The following WDR25 variants were observed in gnomAD, a reference collection of about 807,000 sequenced individuals.
WDR25 encodes the protein WD repeat-containing protein 25.
In WDR25, 35 loss-of-function variants were observed where a neutral mutation model predicts 47.7. The ratio of observed to expected loss-of-function variants is 0.73; its 90% CI spans 0.56 to 0.97. The LOEUF (loss-of-function observed/expected upper bound fraction) is 0.97. Among genes scored for constraint, WDR25 ranks in the 50% least tolerant of loss-of-function variants. The pLI is 0.00. For synonymous variants in WDR25, 248 were observed against 278.9 expected (o/e 0.89, Z 1.10); for missense variants, 634 against 704.7 (o/e 0.90, Z 1.14).
intron 2 of WDR25, among the ~76,000 whole-genome samples, chr14:100,459,884 GT>G (rs1566920133): frequency 1.0e-4 from 4 of 39,678 alleles, no homozygotes; most frequent in African/African-American, 4.6e-4. Flanking sequence ...ATCCGTATAT[GT>G]GTGTGTGTGT....
chr14:100,386,795 A>C (rs1228079178), intron 2 of WDR25, among the ~76,000 whole-genome samples: 1 of 152,156 alleles, frequency 6.6e-6, no homozygotes, highest in Admixed American at 6.5e-5. Context: ...CGGGAGGCTG[A>C]GGCAGGAGAA....
intron 2 of WDR25, among the ~76,000 whole-genome samples, chr14:100,418,984 C>A (rs1897952809): frequency 6.6e-6 from 1 of 152,070 alleles, no homozygotes; most frequent in Non-Finnish European, 1.5e-5. Flanking sequence ...CTTTGGGAGT[C>A]CAAGGTGGGC....
At chr14:100,433,035 T>G (rs1595084278) in intron 2 of WDR25, among the ~76,000 whole-genome samples, 1 of 152,370 alleles carries the variant, frequency 6.6e-6, no homozygotes, top group East Asian at 1.9e-4. Flanking sequence ...AGTCTAATCT[T>G]ATGGGACCAC....
At chr14:100,421,320 C>G (rs371028540) in intron 2 of WDR25, among the ~76,000 whole-genome samples, 2 of 152,206 alleles carry the variant, frequency 1.3e-5, no homozygotes, top group South Asian at 2.1e-4. Context: ...CTTATTGGTC[C>G]CCCAGTCAGT....
Position 100,411,537 on chromosome 14 carries a change from CT to C in WDR25, c.822+29805del, listed in dbSNP as rs766546637. On this transcript the variant is annotated intron_variant, in intron 2 of 6. Coordinates refer to ENST00000402312, the MANE Select transcript of WDR25 (RefSeq NM_001161476.3). Reference sequence around the variant, plus strand: ...CACATTGATTTTCACTTGCTTTTTGCTTTTTTTTTTTTTTCTCGAGATAGAG... The same window carrying C: ...CACATTGATTTTCACTTGCTTTTTGCTTTTTTTTTTTTTCTCGAGATAGAG... 5.3e-3 allele frequency among the ~76,000 whole-genome samples: 759 copies of C among 142,942 alleles called. 4 individuals carry two copies. Among genetic ancestry groups the C allele is most frequent in the South Asian group, 0.026 (116 of 4,482 alleles). The allele number at this position is 142,942 out of a possible 152,430, so 93.8% of individuals were successfully genotyped here.
chr14:100,388,585 C>T (rs1008044205), intron 2 of WDR25, among the ~76,000 whole-genome samples: 1 of 152,222 alleles, frequency 6.6e-6, no homozygotes, highest in Non-Finnish European at 1.5e-5. Flanking sequence ...CTGGAATCTT[C>T]TCTTCGTGGG....
Position 100,476,045 on chromosome 14 carries a change from T to C in WDR25, c.970+7877T>C, listed in dbSNP as rs142565230. Among the ~76,000 whole-genome samples the C allele has an allele frequency of 8.5e-5, 13 of 152,380 alleles. No homozygotes were observed. The East Asian group carries it at 2.5e-3, about 29-fold the overall frequency. ...TCTTCTGTTACTACTATTATTACAA[T>C]GCTACAGCTACTGTTTATTGGGCCC... On this transcript the variant is annotated intron_variant, in intron 3 of 6. Transcript: ENST00000402312.
At chr14:100,388,883 C>A (rs1344146816) in intron 2 of WDR25, among the ~76,000 whole-genome samples, 2 of 152,198 alleles carry the variant, frequency 1.3e-5, no homozygotes, top group Non-Finnish European at 2.9e-5. Flanking sequence ...GAAGGTGCAG[C>A]CTCTGTCCTC....
intron 2 of WDR25, among the ~76,000 whole-genome samples, chr14:100,452,467 A>G (rs547455918): frequency 6.6e-6 from 1 of 152,342 alleles, no homozygotes; most frequent in Non-Finnish European, 1.5e-5. Context: ...TGATGAGAGC[A>G]GTGTTTAGAT....
Position 100,381,175 on chromosome 14 carries a change from G to A in WDR25, c.251G>A (p.Gly84Glu). The change falls in exon 2 of 7, where the codon GGG (glycine) becomes GAG (glutamate). Residue 84 changes from glycine to glutamate, a missense_variant. Physicochemically the swap from Gly to Glu is moderately conservative, Grantham distance 98. Transcript: ENST00000402312. ...GGYRLPLAQL[G>E]RSDWGSCPSQ... ...TATCGCCTTCCATTGGCTCAGCTTG[G>A]GAGAAGCGATTGGGGATCTTGCCCC... 6.2e-7 allele frequency: 1 copy of A among 1,614,202 alleles called. No homozygotes were observed. The highest frequency in any genetic ancestry group is 8.5e-7 in the Non-Finnish European group (1 of 1,180,024).
chr14:100,526,183 A>C, intron 5 of WDR25, 143 bp downstream of exon 5: 27 of 1,044,578 alleles, frequency 2.6e-5, no homozygotes, highest in Non-Finnish European at 3.0e-5. Context: ...GTCAGGTCTC[A>C]GCCTGCCGCA....
chr14:100,379,079 T>C (rs1168966936), intron 1 of WDR25, among the ~76,000 whole-genome samples: 2 of 150,220 alleles, frequency 1.3e-5, no homozygotes, highest in East Asian at 2.0e-4. Flanking sequence ...TTTCCCACCA[T>C]GGATCCTGGA....
chr14:100,528,423 G>GCTTC (rs2030292493), intron 5 of WDR25, among the ~76,000 whole-genome samples: 8 of 136,022 alleles, frequency 5.9e-5, no homozygotes, highest in African/African-American at 2.2e-4. Flanking sequence ...CCTTCCCTTT[G>GCTTC]TTTCTTTCTT....
chr14:100,427,334 C>T (rs1202392544), intron 2 of WDR25, among the ~76,000 whole-genome samples: 1 of 152,222 alleles, frequency 6.6e-6, no homozygotes, highest in Non-Finnish European at 1.5e-5. Context: ...TCAGTCTCCT[C>T]TCTTGCAGCA....
intron 1 of WDR25, among the ~76,000 whole-genome samples, chr14:100,378,459 G>T (rs1896785937): frequency 6.6e-6 from 1 of 152,146 alleles, no homozygotes; most frequent in African/African-American, 2.4e-5. Flanking sequence ...GAGCCACTAT[G>T]CCCTGCCCAG....
intron 2 of WDR25, among the ~76,000 whole-genome samples, chr14:100,393,842 G>A (rs971800781): frequency 6.6e-6 from 1 of 152,188 alleles, no homozygotes; most frequent in African/African-American, 2.4e-5. Context: ...GGGCCAAGAT[G>A]GTGGCTGTGA....
intron 2 of WDR25, among the ~76,000 whole-genome samples, chr14:100,436,150 A>G (rs1159903510): frequency 6.6e-6 from 1 of 152,118 alleles, no homozygotes; most frequent in Admixed American, 6.5e-5. Flanking sequence ...TTATGTCTGG[A>G]GCTTTGCTAA....
chr14:100,377,933 G>A (rs7161066), intron 1 of WDR25, among the ~76,000 whole-genome samples: 6,472 of 152,152 alleles, frequency 0.043, 189 homozygotes, highest in African/African-American at 0.078. Flanking sequence ...TGGAGGCGGA[G>A]CTTGGCGTGT....
chr14:100,520,013 A>G (rs1901661430), intron 4 of WDR25, among the ~76,000 whole-genome samples: 1 of 146,288 alleles, frequency 6.8e-6, no homozygotes, highest in South Asian at 2.1e-4. Flanking sequence ...TATGTACACT[A>G]TATATATACA....
Sources: gnomAD v4.1 joint callset for allele counts (sites outside exome capture counted in the v4.1 genomes callset) on GRCh38, gnomAD v4.1.1 for gene constraint, MANE v1.5 for transcripts, NCBI Gene and HGNC (gene_info 2026-07-23, HGNC 2026-07-21) for gene names.